Variants in ZFX observed in about 807,000 individuals in gnomAD.
The protein encoded by ZFX is zinc finger protein X-linked, also known as zinc finger X-chromosomal protein.
For missense variants in ZFX, 362 were observed against 628.3 expected, an observed-to-expected ratio of 0.58 and a Z score of 4.53; for synonymous variants, 196 against 226.8, an observed-to-expected ratio of 0.86 and a Z score of 1.22.
Position 24,215,016 on chromosome X carries a change from CAA to C in ZFX, c.*3641_*3642del, listed in dbSNP as rs1346338145. 8.9e-6 allele frequency: 1 copy of C among 111,869 alleles called. No homozygotes were observed. The highest frequency in any genetic ancestry group is 3.3e-5 in the African/African-American group (1 of 30,738). 9.2% of individuals were successfully genotyped at this position (111,869 alleles called of 1,213,427 possible). A position where few individuals can be genotyped will look rare whatever the true frequency, so the allele number is the denominator to read the frequency against. ...GTTGTGCCATCTTTGATTTTATAGA[CAA>C]GATTCTGCAGTTCTTCCAACTGTAT... is the stretch of plus-strand genomic sequence containing the variant. On this transcript the variant is annotated 3_prime_UTR_variant, in exon 10 of 10. Transcript: ENST00000304543.
intron 3 of ZFX, among the ~76,000 whole-genome samples, chrX:24,163,381 T>G (rs1933618206): frequency 1.4e-5 from 1 of 69,479 alleles, no homozygotes; most frequent in African/African-American, 5.2e-5. Context: ...TTTTTTTTTT[T>G]TTTTTTTTTT....
chrX:24,195,789 G>C (rs1936880948), intron 5 of ZFX, among the ~76,000 whole-genome samples: 1 of 112,195 alleles, frequency 8.9e-6, no homozygotes, highest in Non-Finnish European at 1.9e-5. Flanking sequence ...ACCACGCCCG[G>C]CCACTTTCTT....
rs145919236 is a variant in ZFX, at chrX:24,186,715, A to G, written c.646+6945A>G. On this transcript the variant is annotated intron_variant, in intron 5 of 9. Coordinates refer to ENST00000304543, the MANE Select transcript of ZFX (RefSeq NM_003410.4). ...TCTTTATAATATCATGGTTGTGTAT[A>G]TAGACACAGATGTTCATTGTCACAG... 1.7e-4 allele frequency among the ~76,000 whole-genome samples: 19 copies of G among 112,066 alleles called. No homozygotes were observed. The East Asian group carries it at 5.3e-3, about 31-fold the overall frequency.
chrX:24,192,407 G>A (rs920872991), intron 5 of ZFX, among the ~76,000 whole-genome samples: 6 of 111,790 alleles, frequency 5.4e-5, no homozygotes, highest in Non-Finnish European at 9.4e-5. Flanking sequence ...GGAAGGCTGG[G>A]ATTTAGTGAA....
chrX:24,212,472 A>ATTTTC lies in ZFX; in HGVS notation c.*1101_*1105dup, dbSNP rs757035599. On this transcript the variant is annotated 3_prime_UTR_variant, in exon 10 of 10. Transcript: ENST00000304543. ...ACTAGTATTTTTAAAGAGTAAAGAT[A>ATTTTC]TTTTCTTTTAAATATCTTTGGTAAT... is the stretch of plus-strand genomic sequence containing the variant. 2 of 112,352 alleles carry ATTTTC rather than the reference A, an allele frequency of 1.8e-5. No homozygotes were observed. The highest frequency in any genetic ancestry group is 9.5e-5 in the Admixed American group (1 of 10,546). 9.3% of individuals were successfully genotyped at this position (112,352 alleles called of 1,213,427 possible).
At chrX:24,203,304 C>G (rs1937423998) in intron 5 of ZFX, among the ~76,000 whole-genome samples, 1 of 112,160 alleles carries the variant, frequency 8.9e-6, no homozygotes, top group Admixed American at 9.5e-5. Flanking sequence ...CTGCAGTAGA[C>G]TCAGGTCAGC....
rs769489195 is a variant in ZFX at position 24,152,798 on chromosome X, T to A, written c.-61T>A. On this transcript the variant is annotated 5_prime_UTR_variant, in exon 3 of 10. Transcript: ENST00000304543. ...TACAGCAACAGTGGATGTTCAAGATTAAGATTAGAGTCAAGTTGTGTGATT... is the reference window on the plus strand; with the variant it reads ...TACAGCAACAGTGGATGTTCAAGATAAAGATTAGAGTCAAGTTGTGTGATT... The A allele has an allele frequency of 9.8e-5, 11 of 112,348 alleles. No homozygotes were observed. The highest frequency in any genetic ancestry group is 1.7e-4 in the Non-Finnish European group (9 of 53,279). 9.3% of individuals were successfully genotyped at this position (112,348 alleles called of 1,213,427 possible). A position where few individuals can be genotyped will look rare whatever the true frequency, so the allele number is the denominator to read the frequency against.
chrX:24,171,625 A>C (rs1369323344), intron 3 of ZFX, among the ~76,000 whole-genome samples: 1 of 111,364 alleles, frequency 9.0e-6, no homozygotes, highest in Non-Finnish European at 1.9e-5. Flanking sequence ...TAAAATCAGC[A>C]AAAAAAAGCG....
In ZFX at chrX:24,207,722, A is replaced by G. The variant is rs372375142; in HGVS notation, c.807A>G (p.Val269=). 8.3e-7 allele frequency: 1 copy of G among 1,211,303 alleles called. No homozygotes were observed. Among genetic ancestry groups the G allele is most frequent in the African/African-American group, 1.7e-5 (1 of 57,918 alleles). ...TTCCCTGATTGATAGGTGGAACTGTAGACATTGTGGAGAGTGAGCCTGAGA... is the reference window on the plus strand; with the variant it reads ...TTCCCTGATTGATAGGTGGAACTGTGGACATTGTGGAGAGTGAGCCTGAGA... ...DPGEDDLGGT[V]DIVESEPEND... The change falls in exon 7 of 10, where the codon GTA becomes GTG. Residue 269 remains valine (V), a synonymous_variant. Coordinates refer to ENST00000304543, the MANE Select transcript of ZFX (RefSeq NM_003410.4).
At chrX:24,151,883 T>A (rs1311003472) in intron 2 of ZFX, 83 bp downstream of exon 2, 2 of 111,786 alleles carry the variant, frequency 1.8e-5, no homozygotes, top group African/African-American at 3.3e-5. Flanking sequence ...GTTTTCATTA[T>A]CAGAACGATT....
intron 5 of ZFX, among the ~76,000 whole-genome samples, chrX:24,192,560 G>T (rs752589312): frequency 2.7e-5 from 3 of 111,025 alleles, no homozygotes; most frequent in Non-Finnish European, 5.7e-5. Flanking sequence ...TTCTCAAGAC[G>T]AGCACAAGAT....
chrX:24,160,450 C>G (rs2520332), intron 3 of ZFX, among the ~76,000 whole-genome samples: 1,825 of 109,805 alleles, frequency 0.017, 17 homozygotes, highest in Non-Finnish European at 0.025. Context: ...AGACGTGCAC[C>G]AGCACACCTG....
intron 5 of ZFX, among the ~76,000 whole-genome samples, chrX:24,186,361 C>G (rs891004837): frequency 1.5e-4 from 17 of 110,617 alleles, no homozygotes; most frequent in African/African-American, 5.6e-4. Flanking sequence ...CACCTGTAAT[C>G]CCAGCATTTT....
At chrX:24,171,899 AGAGAAG>A (rs1249201171) in intron 3 of ZFX, among the ~76,000 whole-genome samples, 10 of 62,024 alleles carry the variant, frequency 1.6e-4, no homozygotes, top group African/African-American at 3.3e-4. Flanking sequence ...CAGGACAGAG[AGAGAAG>A]GAGAGAGAGA....
At chrX:24,163,136 G>GT (rs1047524864) in intron 3 of ZFX, among the ~76,000 whole-genome samples, 105 of 95,623 alleles carry the variant, frequency 1.1e-3, no homozygotes, top group Middle Eastern at 5.4e-3. Flanking sequence ...AATATCAGGC[G>GT]TTTTTTTTTT....
At chrX:24,204,939 T>C (rs1222372992) in intron 5 of ZFX, among the ~76,000 whole-genome samples, 2 of 112,320 alleles carry the variant, frequency 1.8e-5, no homozygotes, top group East Asian at 5.5e-4. Flanking sequence ...TTGTCCACTT[T>C]GCCATAAGAC....
intron 3 of ZFX, among the ~76,000 whole-genome samples, chrX:24,153,166 T>C (rs2147208424): frequency 8.9e-6 from 1 of 112,445 alleles, no homozygotes; most frequent in East Asian, 2.8e-4. Flanking sequence ...TGTTCTTGTG[T>C]ACACTGGCAA....
chrX:24,155,197 A>G (rs1383281777), intron 3 of ZFX, among the ~76,000 whole-genome samples: 1 of 112,379 alleles, frequency 8.9e-6, no homozygotes, highest in East Asian at 2.7e-4. Context: ...TTATGGGTTA[A>G]TAAGTGCTTT....
intron 5 of ZFX, among the ~76,000 whole-genome samples, chrX:24,183,154 T>C (rs1449640665): frequency 8.9e-6 from 1 of 111,905 alleles, no homozygotes; most frequent in African/African-American, 3.2e-5. Context: ...CTGAACCGCA[T>C]TGAGGGGCCA....
Sources: gnomAD v4.1 joint callset for allele counts (sites outside exome capture counted in the v4.1 genomes callset) on GRCh38, gnomAD v4.1.1 for gene constraint, MANE v1.5 for transcripts, NCBI Gene and HGNC (gene_info 2026-07-23, HGNC 2026-07-21) for gene names.